HOPX: variants seen among roughly 807,000 people sequenced by gnomAD.
HOPX encodes the protein homeodomain-only protein.
Under a neutral mutation model 11.8 loss-of-function variants are expected in HOPX, and 5 were observed. The observed-to-expected ratio is 0.43, with a 90% CI of 0.22 to 0.89. HOPX has a LOEUF of 0.89. Among genes scored for constraint, HOPX ranks in the 40% least tolerant of loss-of-function variants. The pLI is 0.28. For synonymous variants in HOPX, 49 were observed against 49.7 expected (o/e 0.99, Z 0.06); for missense variants, 119 against 120.0 (o/e 0.99, Z 0.04).
At chr4:56,652,100 C>T (rs1436063797) in intron 3 of HOPX, among the ~76,000 whole-genome samples, 1 of 152,062 alleles carries the variant, frequency 6.6e-6, no homozygotes. Context: ...TTCTAACATC[C>T]CAGTAAATGC....
chr4:56,667,639 A>C (rs752400579), intron 1 of HOPX, among the ~76,000 whole-genome samples: 1 of 152,056 alleles, frequency 6.6e-6, no homozygotes, highest in African/African-American at 2.4e-5. Flanking sequence ...TGAAGCTAAA[A>C]TGTTTCCTCT....
At chr4:56,663,119 A>G (rs1718244344) in intron 1 of HOPX, 1 of 152,206 alleles carries the variant, frequency 6.6e-6, no homozygotes, top group Admixed American at 6.5e-5. Flanking sequence ...TGAAATGCAG[A>G]TGATTTGGGC....
chr4:56,673,648 C>T (rs575019072), intron 1 of HOPX, among the ~76,000 whole-genome samples: 29 of 152,282 alleles, frequency 1.9e-4, no homozygotes, highest in African/African-American at 7.0e-4. Context: ...CATTCAGTGG[C>T]TTTATAGCCT....
chr4:56,681,480 G>A (rs576801804), upstream of HOPX: 4 of 994,926 alleles, frequency 4.0e-6, no homozygotes, highest in South Asian at 9.4e-5. Context: ...CAGGTTTGAT[G>A]TTCAGGCTGG....
At chr4:56,661,911 T>C (rs1718158771) in intron 1 of HOPX, among the ~76,000 whole-genome samples, 1 of 152,228 alleles carries the variant, frequency 6.6e-6, no homozygotes, top group Admixed American at 6.5e-5. Context: ...ACCCTTTGTC[T>C]GTATCATGCT....
At chr4:56,654,000 C>T (rs568159469) in intron 3 of HOPX, among the ~76,000 whole-genome samples, 4 of 152,308 alleles carry the variant, frequency 2.6e-5, no homozygotes, top group East Asian at 3.9e-4. Flanking sequence ...AAAGACAGCA[C>T]CAAGAGAGTT....
chr4:56,651,348 T>C (rs1410683527), intron 3 of HOPX: 1 of 152,582 alleles, frequency 6.6e-6, no homozygotes, highest in East Asian at 1.9e-4. Flanking sequence ...CAAGTATATA[T>C]ATAATAATTT....
chr4:56,665,511 T>C (rs1253684915), intron 1 of HOPX: 1 of 152,138 alleles, frequency 6.6e-6, no homozygotes, highest in African/African-American at 2.4e-5. Context: ...AATGTAAAAT[T>C]GGAGAAAATA....
intron 1 of HOPX, among the ~76,000 whole-genome samples, chr4:56,674,916 TA>T (rs33940899): frequency 0.74 from 90,426 of 121,796 alleles, 32,946 homozygotes; most frequent in African/African-American, 0.88. Flanking sequence ...TCTGGCTAAC[TA>T]AAAAAAAAAA....
At chr4:56,663,292 T>C (rs1171634984) in intron 1 of HOPX, 2 of 152,178 alleles carry the variant, frequency 1.3e-5, no homozygotes, top group Non-Finnish European at 2.9e-5. Flanking sequence ...AGATGACAGC[T>C]ATACTTGAAT....
At chr4:56,656,206 C>T (rs1013481679) in intron 2 of HOPX, 194 bp from the exon 3 acceptor site, 1 of 1,129,784 alleles carries the variant, frequency 8.9e-7, no homozygotes, top group South Asian at 3.3e-5. Flanking sequence ...GGGCCTCCCT[C>T]CCTGGACTGA....
intron 2 of HOPX, 100 bp downstream of exon 2, chr4:56,657,675 G>A: frequency 2.8e-6 from 2 of 718,956 alleles, no homozygotes; most frequent in African/African-American, 1.7e-5. Flanking sequence ...CTAGGCAGGA[G>A]AGGGTCATAC....
In HOPX at chr4:56,668,639, A is replaced by T. The variant is rs370420686; in HGVS notation, c.-83-10740T>A. ...TCAAGCGATCCTTCCAAGTCATTGA[A>T]ATTGCCGGTCTGAGCCATTATGCCT... On this transcript the variant is annotated intron_variant, in intron 1 of 3. Coordinates refer to ENST00000420433, the MANE Select transcript of HOPX (RefSeq NM_032495.6). Among the ~76,000 whole-genome samples the T allele has an allele frequency of 2.2e-3, 334 of 152,290 alleles. 1 individual carries two copies. The highest frequency in any genetic ancestry group is 7.8e-3 in the African/African-American group (325 of 41,558).
Position 56,676,534 on chromosome 4 carries a change from T to C in HOPX, c.-84+4721A>G, listed in dbSNP as rs938914306. ...AGTCTTGCAAACTTGTCATTTGTTT[T>C]TCTTTTCTTTTTTTTTTTATTTTGG... On this transcript the variant is annotated intron_variant, in intron 1 of 3. Transcript: ENST00000420433. The C allele has an allele frequency of 7.9e-5, 12 of 151,684 alleles. 1 individual carries two copies. The highest frequency in any genetic ancestry group is 2.7e-4 in the African/African-American group (11 of 40,986). 9.4% of individuals were successfully genotyped at this position (151,684 alleles called of 1,614,324 possible). A position where few individuals can be genotyped will look rare whatever the true frequency, so the allele number is the denominator to read the frequency against.
upstream of HOPX, chr4:56,681,551 T>C: frequency 1.0e-6 from 1 of 1,000,218 alleles, no homozygotes; most frequent in Non-Finnish European, 1.2e-6. Flanking sequence ...ACCTCTCTCC[T>C]AGCCAAGCAA....
chr4:56,650,758 T>C (rs2109453425), intron 3 of HOPX: 1 of 1,551,164 alleles, frequency 6.4e-7, no homozygotes, highest in East Asian at 2.4e-5. Context: ...TAGCCTTCTC[T>C]TTGGGGGCTA....
chr4:56,664,766 AT>A (rs2109518369), intron 1 of HOPX: 1 of 152,220 alleles, frequency 6.6e-6, no homozygotes, highest in East Asian at 1.9e-4. Context: ...TAAAATAATT[AT>A]TTCTCTGCTC....
intron 3 of HOPX, chr4:56,650,379 T>C (rs1291382746): frequency 4.0e-6 from 1 of 251,158 alleles, no homozygotes; most frequent in Non-Finnish European, 7.7e-6. Context: ...GCTCCCCACA[T>C]AGCATGGCTT....
At position 56,657,800 on chromosome 4, in the gene HOPX, C is replaced by G. The variant is rs952747441; in HGVS notation, c.17G>C (p.Gly6Ala). ...CTCTTCCAGTCTTCTTCTGTAACAG[C>G]CCAGGAAAATGAGCATAGGAAGACT... MLIFL[G>A]CYRRRLEERA... The change falls in exon 2 of 4, where the codon GGC becomes GCC. Residue 6 changes from glycine to alanine, a missense_variant. Gly to Ala is a moderately conservative substitution (Grantham distance 60). Coordinates refer to ENST00000420433, the MANE Select transcript of HOPX (RefSeq NM_032495.6). 29 of 1,378,818 alleles carry G rather than the reference C, an allele frequency of 2.1e-5. No individual in the cohort carries two copies. Among genetic ancestry groups the G allele is most frequent in the Non-Finnish European group, 2.9e-5 (29 of 989,256 alleles). 85.4% of individuals were successfully genotyped at this position (1,378,818 alleles called of 1,614,324 possible). A position where few individuals can be genotyped will look rare whatever the true frequency, so the allele number is the denominator to read the frequency against.
Sources: gnomAD v4.1 joint callset for allele counts (sites outside exome capture counted in the v4.1 genomes callset) on GRCh38, gnomAD v4.1.1 for gene constraint, MANE v1.5 for transcripts, NCBI Gene and HGNC (gene_info 2026-07-23, HGNC 2026-07-21) for gene names.